Variants in POTEF observed in about 807,000 individuals in gnomAD.
POTEF encodes POTE ankyrin domain family member F.
In POTEF, 20 loss-of-function variants were observed where a neutral mutation model predicts 83.2. The ratio of observed to expected loss-of-function variants is 0.24; its 90% CI spans 0.17 to 0.35. The LOEUF (loss-of-function observed/expected upper bound fraction) is 0.35, where lower values mean the gene tolerates loss of function less well. Ranked by LOEUF, POTEF falls within the 10% of genes least tolerant of loss-of-function variation. The pLI is 1.00. For synonymous variants in POTEF, 196 were observed against 446.4 expected (o/e 0.44, Z 7.07); for missense variants, 550 against 1,203.2 (o/e 0.46, Z 8.03).
chr2:130,127,041 G>A (rs192101349), intron 2 of POTEF, among the ~76,000 whole-genome samples: 4 of 151,996 alleles, frequency 2.6e-5, no homozygotes, highest in African/African-American at 9.7e-5. Flanking sequence ...GGAAAAAATG[G>A]CCGGGAGTGG....
At chr2:130,126,265 T>C (rs1573619978) in intron 2 of POTEF, among the ~76,000 whole-genome samples, 1 of 125,512 alleles carries the variant, frequency 8.0e-6, no homozygotes, top group Non-Finnish European at 1.6e-5. Context: ...ATCGCCCCAT[T>C]GCACTCCAGC....
chr2:130,112,898 A>T (rs1684748737), intron 5 of POTEF, among the ~76,000 whole-genome samples: 1 of 151,956 alleles, frequency 6.6e-6, no homozygotes. Flanking sequence ...TAAGTACTTG[A>T]ATGACTGAAC....
rs1489608061 is a variant in POTEF at position 130,113,659 on chromosome 2, C to G, written c.810+1222G>C. Among the ~76,000 whole-genome samples the G allele has an allele frequency of 2.3e-5, 3 of 130,136 alleles. No homozygotes were observed. The East Asian group carries it at 6.9e-4, about 30-fold the overall frequency. 85.4% of individuals were successfully genotyped at this position (130,136 alleles called of 152,430 possible). A position where few individuals can be genotyped will look rare whatever the true frequency, so the allele number is the denominator to read the frequency against. On this transcript the variant is annotated intron_variant, in intron 5 of 16. Transcript: ENST00000409914. Reference sequence around the variant, plus strand: ...GGACTACAGCCATGCACCACCATGCCTGGCTTCAAGGAAACATTTTCAAAT... The same window carrying G: ...GGACTACAGCCATGCACCACCATGCGTGGCTTCAAGGAAACATTTTCAAAT...
chr2:130,111,804 GAGA>G lies in POTEF; in HGVS notation c.917+188_917+190del, dbSNP rs1684717466. Among the ~76,000 whole-genome samples, 3 of 146,094 alleles carry G rather than the reference GAGA, an allele frequency of 2.1e-5. No individual in the cohort carries two copies. The South Asian group carries it at 6.5e-4, about 32-fold the overall frequency. On this transcript the variant is annotated intron_variant, in intron 6 of 16. Coordinates refer to ENST00000409914, the MANE Select transcript of POTEF (RefSeq NM_001099771.2). The stretch of plus-strand genomic sequence containing the variant: ...CAAATAACATCAGTCAATATAATAA[GAGA>G]AGATGAATCCTACTAAAACTGTTCT...
In POTEF at chr2:130,121,122, GGCGTGC is replaced by G. The variant is rs1378212155; in HGVS notation, c.-93-520_-93-515del. 2.1e-3 allele frequency among the ~76,000 whole-genome samples: 316 copies of G among 151,626 alleles called. 3 individuals are homozygous for G. Among genetic ancestry groups the G allele is most frequent in the Middle Eastern group, 6.8e-3 (2 of 292 alleles). ...AAGCTGCTGCCGGGCGTGTGCGCGC[GGCGTGC>G]GCGTGCGCGTGCGGCGTGCTTATCT... On this transcript the variant is annotated intron_variant, in intron 2 of 16. Transcript: ENST00000409914.
intron 3 of POTEF, among the ~76,000 whole-genome samples, chr2:130,117,886 C>T (rs1422040255): frequency 6.6e-6 from 1 of 151,798 alleles, no homozygotes; most frequent in East Asian, 1.9e-4. Flanking sequence ...GTAAGTACCA[C>T]TGTTCTTCAT....
At position 130,100,985 on chromosome 2, in the gene POTEF, A is replaced by G. The variant is rs941306246; in HGVS notation, c.1198-265T>C. Among the ~76,000 whole-genome samples the G allele has an allele frequency of 5.8e-4, 86 of 148,424 alleles. 6 individuals carry two copies. The highest frequency in any genetic ancestry group is 2.0e-3 in the African/African-American group (76 of 38,568). On this transcript the variant is annotated intron_variant, in intron 9 of 16. Coordinates refer to ENST00000409914, the MANE Select transcript of POTEF (RefSeq NM_001099771.2). The stretch of plus-strand genomic sequence containing the variant: ...AATAATTCACCTTAGCCCAATGAAG[A>G]AAAAAAACGTGAACCAGCAAACTTA...
Position 130,075,484 on chromosome 2 carries a change from T to C in POTEF, c.1988A>G (p.Asp663Gly), listed in dbSNP as rs1193356708. 1 of 1,611,314 alleles carries C rather than the reference T, an allele frequency of 6.2e-7. No homozygotes were observed. The highest frequency in any genetic ancestry group is 1.7e-5 in the Admixed American group (1 of 59,912). Residue 663 changes from aspartate (D) to glycine (G), a missense_variant, in exon 17 of 17, where the codon GAC becomes GGC. Coordinates refer to ENST00000409914, the MANE Select transcript of POTEF (RefSeq NM_001099771.2). ...EEIAMLRLEL[D>G]TMKHQSQLRE... ...TAGCTGGCTCTGATGTTTCATTGTG[T>C]CTAGCTCCAGTCTTAGCATGGCAAT...
At chr2:130,122,730 A>G (rs2104831064) in intron 2 of POTEF, among the ~76,000 whole-genome samples, 1 of 151,266 alleles carries the variant, frequency 6.6e-6, no homozygotes, top group East Asian at 1.9e-4. Context: ...TTTTCAGTAT[A>G]CAAATCGTTC....
At chr2:130,104,132 C>T (rs1405178444) in intron 8 of POTEF, among the ~76,000 whole-genome samples, 3 of 150,660 alleles carry the variant, frequency 2.0e-5, no homozygotes. Context: ...TGAGATGATA[C>T]TATGTAGCAA....
intron 2 of POTEF, among the ~76,000 whole-genome samples, chr2:130,127,038 A>C (rs1408340464): frequency 6.6e-6 from 1 of 151,976 alleles, no homozygotes; most frequent in Non-Finnish European, 1.5e-5. Context: ...GAAGGAAAAA[A>C]TGGCCGGGAG....
chr2:130,088,589 TTTTTTC>T (rs1341901848), intron 12 of POTEF, among the ~76,000 whole-genome samples: 1 of 58,914 alleles, frequency 1.7e-5, no homozygotes, highest in Non-Finnish European at 3.3e-5. Context: ...TCTTTTTTTC[TTTTTTC>T]TTTTTTTTTT....
At chr2:130,104,703 G>GT (rs576039199) in intron 8 of POTEF, among the ~76,000 whole-genome samples, 67 of 151,582 alleles carry the variant, frequency 4.4e-4, no homozygotes, top group South Asian at 3.7e-3. Flanking sequence ...GTCATGGAGA[G>GT]TATCATTCCC....
chr2:130,104,072 G>A (rs1009514093), intron 8 of POTEF, among the ~76,000 whole-genome samples: 11 of 149,312 alleles, frequency 7.4e-5, no homozygotes, highest in Non-Finnish European at 1.0e-4. Flanking sequence ...TATTCCTACT[G>A]AACAATTATT....
chr2:130,105,235 C>A (rs1409920060), intron 8 of POTEF, among the ~76,000 whole-genome samples: 2 of 150,482 alleles, frequency 1.3e-5, no homozygotes, highest in South Asian at 2.1e-4. Context: ...AAAAGCCTGC[C>A]AACTATTAAT....
At chr2:130,114,793 T>C (rs1322840254) in intron 5 of POTEF, 88 bp downstream of exon 5, 2 of 1,458,890 alleles carry the variant, frequency 1.4e-6, no homozygotes, top group East Asian at 2.4e-5. Context: ...TGCTTGAGCT[T>C]CCAAATATGG....
intron 5 of POTEF, among the ~76,000 whole-genome samples, chr2:130,113,887 A>G (rs1684774323): frequency 6.6e-6 from 1 of 151,592 alleles, no homozygotes; most frequent in Admixed American, 6.6e-5. Flanking sequence ...AAGAGTAAGG[A>G]GTAGGAGAGA....
At chr2:130,116,299 A>T (rs1684842889) in intron 3 of POTEF, among the ~76,000 whole-genome samples, 1 of 151,184 alleles carries the variant, frequency 6.6e-6, no homozygotes, top group African/African-American at 2.5e-5. Flanking sequence ...GACTGTTATA[A>T]ATTTTCTCCT....
intron 2 of POTEF, among the ~76,000 whole-genome samples, chr2:130,126,321 A>AAAAG (rs1685091784): frequency 2.7e-5 from 4 of 147,076 alleles, no homozygotes; most frequent in African/African-American, 8.1e-5. Context: ...AAAAAAAAAA[A>AAAAG]AAAGAAAGAA....
Sources: gnomAD v4.1 joint callset for allele counts (sites outside exome capture counted in the v4.1 genomes callset) on GRCh38, gnomAD v4.1.1 for gene constraint, MANE v1.5 for transcripts, NCBI Gene and HGNC (gene_info 2026-07-23, HGNC 2026-07-21) for gene names.